The following TBC1D22B variants were observed in gnomAD, a reference collection of about 807,000 sequenced individuals.
TBC1D22B encodes TBC1 domain family member 22B, also known as chromosome 6 open reading frame 197.
A neutral mutation model predicts 69.1 loss-of-function variants in TBC1D22B; 32 were observed. The ratio of observed to expected loss-of-function variants is 0.46; its 90% CI spans 0.35 to 0.62. TBC1D22B has a LOEUF of 0.62. Ranked by LOEUF, TBC1D22B falls within the 20% of genes least tolerant of loss-of-function variation. The probability of loss-of-function intolerance (pLI) is 0.00; values close to 1 mark genes in which losing one functional copy is unlikely to be tolerated. For missense variants in TBC1D22B, 462 were observed against 630.9 expected (o/e 0.73, Z 2.87); for synonymous variants, 206 against 229.8 (o/e 0.90, Z 0.94).
chr6:37,317,251 A>G lies in TBC1D22B; in HGVS notation c.1389+45A>G, dbSNP rs146610746. 7.2e-6 allele frequency: 11 copies of G among 1,534,318 alleles called. No homozygotes were observed. In the African/African-American group the frequency reaches 1.1e-4, roughly 15 times the overall value. ...GTGTGGGCAGGGAATGAACATTAGA[A>G]TGGGAGTTAGCCCCTCAGTGGGCAG... On this transcript the variant is annotated intron_variant, in intron 12 of 12. Transcript: ENST00000373491.
At chr6:37,272,410 A>G (rs1354858694) in intron 2 of TBC1D22B, among the ~76,000 whole-genome samples, 7 of 144,998 alleles carry the variant, frequency 4.8e-5, no homozygotes, top group Admixed American at 2.8e-4. Context: ...TGCTCAGGCT[A>G]GAGTGCACTG....
chr6:37,279,259 G>C, intron 2 of TBC1D22B, 45 bp from the exon 3 acceptor site: 1 of 1,498,576 alleles, frequency 6.7e-7, no homozygotes, highest in South Asian at 1.3e-5. Flanking sequence ...TAGGTGGTCA[G>C]ATGTGTCAGG....
At chr6:37,259,857 C>T (rs1766018182) in intron 1 of TBC1D22B, among the ~76,000 whole-genome samples, 1 of 151,928 alleles carries the variant, frequency 6.6e-6, no homozygotes, top group African/African-American at 2.4e-5. Flanking sequence ...AGTGAAATAC[C>T]CTATTTGTAA....
At chr6:37,293,038 A>G (rs1045987079) in intron 8 of TBC1D22B, among the ~76,000 whole-genome samples, 2 of 151,792 alleles carry the variant, frequency 1.3e-5, no homozygotes, top group African/African-American at 4.8e-5. Flanking sequence ...CATTCTGATA[A>G]TTCTCACAGT....
intron 1 of TBC1D22B, among the ~76,000 whole-genome samples, chr6:37,264,007 A>G (rs1766190628): frequency 6.6e-6 from 1 of 150,876 alleles, no homozygotes; most frequent in Admixed American, 6.6e-5. Context: ...TGTCAATTAA[A>G]TGCTTTTTCA....
intron 1 of TBC1D22B, among the ~76,000 whole-genome samples, chr6:37,263,500 A>G (rs1766174697): frequency 6.6e-6 from 1 of 152,250 alleles, no homozygotes; most frequent in African/African-American, 2.4e-5. Flanking sequence ...CAATTTCAGA[A>G]TAATTGTTAT....
chr6:37,306,919 G>A (rs1367451326), intron 8 of TBC1D22B, among the ~76,000 whole-genome samples: 1 of 152,182 alleles, frequency 6.6e-6, no homozygotes, highest in Non-Finnish European at 1.5e-5. Flanking sequence ...CTCCCAGTGG[G>A]TCTCTTCTCT....
At chr6:37,287,526 A>G (rs965538638) in intron 7 of TBC1D22B, among the ~76,000 whole-genome samples, 1 of 152,060 alleles carries the variant, frequency 6.6e-6, no homozygotes, top group Non-Finnish European at 1.5e-5. Context: ...CCAAACTGGA[A>G]CTCTGTATCC....
chr6:37,299,866 G>A (rs896647331), intron 8 of TBC1D22B, among the ~76,000 whole-genome samples: 25 of 152,088 alleles, frequency 1.6e-4, no homozygotes, highest in African/African-American at 5.5e-4. Context: ...CAAATTAGCC[G>A]GGCATGGTGG....
At chr6:37,264,041 TA>T (rs1006848522) in intron 1 of TBC1D22B, among the ~76,000 whole-genome samples, 13 of 27,072 alleles carry the variant, frequency 4.8e-4, no homozygotes, top group South Asian at 2.6e-3. Flanking sequence ...AAATGTTTTG[TA>T]TTTTTTTTTT....
At chr6:37,326,775 G>A (rs939683104) in intron 12 of TBC1D22B, among the ~76,000 whole-genome samples, 4 of 149,672 alleles carry the variant, frequency 2.7e-5, no homozygotes, top group Non-Finnish European at 5.9e-5. Context: ...GTGACGGAGC[G>A]AGACTACGTC....
At chr6:37,324,901 A>G (rs1203516201) in intron 12 of TBC1D22B, among the ~76,000 whole-genome samples, 1 of 152,238 alleles carries the variant, frequency 6.6e-6, no homozygotes, top group Non-Finnish European at 1.5e-5. Flanking sequence ...GGAAGTTAAT[A>G]TGTATCTCAT....
At chr6:37,327,485 A>AG (rs1174811369) in intron 12 of TBC1D22B, among the ~76,000 whole-genome samples, 1 of 92,296 alleles carries the variant, frequency 1.1e-5, no homozygotes, top group East Asian at 2.5e-4. Context: ...CTCAAAAAAA[A>AG]AAAAAAAAAA....
chr6:37,286,676 G>T (rs1767016980), intron 6 of TBC1D22B, among the ~76,000 whole-genome samples: 1 of 151,246 alleles, frequency 6.6e-6, no homozygotes, highest in Non-Finnish European at 1.5e-5. Context: ...AGGCACGGTG[G>T]CTCACACCTG....
At chr6:37,297,834 A>G (rs60153228) in intron 8 of TBC1D22B, among the ~76,000 whole-genome samples, 3,994 of 152,314 alleles carry the variant, frequency 0.026, 168 homozygotes, top group African/African-American at 0.089. Flanking sequence ...AGAAAATGTG[A>G]CACATTTACA....
chr6:37,320,215 G>A (rs996562989), intron 12 of TBC1D22B, among the ~76,000 whole-genome samples: 2 of 152,202 alleles, frequency 1.3e-5, no homozygotes, highest in Admixed American at 6.5e-5. Context: ...CAAGGTTAGG[G>A]ACTGTGCAGA....
chr6:37,259,015 A>ATT lies in TBC1D22B; in HGVS notation c.56+1057_56+1058dup, dbSNP rs11379140. On this transcript the variant is annotated intron_variant, in intron 1 of 12. Transcript: ENST00000373491. ...CAGTAGTGGCTAGGTAAGAGCCTTA[A>ATT]TTTTTTTTTTTTTTTTAAATGAAAT... is the stretch of plus-strand genomic sequence containing the variant. Among the ~76,000 whole-genome samples, 776 of 137,928 alleles carry ATT rather than the reference A, an allele frequency of 5.6e-3. 4 individuals carry two copies. Among genetic ancestry groups the ATT allele is most frequent in the Middle Eastern group, 0.018 (5 of 276 alleles). The allele number at this position is 137,928 out of a possible 152,430, so 90.5% of individuals were successfully genotyped here.
intron 11 of TBC1D22B, 26 bp from the exon 12 acceptor site, chr6:37,317,085 C>T (rs1199268082): frequency 6.4e-6 from 10 of 1,553,138 alleles, no homozygotes; most frequent in Non-Finnish European, 8.7e-6. Flanking sequence ...GGCTGGGAGA[C>T]CTAACTCTAT....
Position 37,298,198 on chromosome 6 carries a change from A to T in TBC1D22B, c.982+6841A>T, listed in dbSNP as rs184883804. Among the ~76,000 whole-genome samples, 24 of 150,834 alleles carry T rather than the reference A, an allele frequency of 1.6e-4. No individual in the cohort carries two copies. The East Asian group carries it at 2.3e-3, about 15-fold the overall frequency. Reference sequence around the variant, plus strand: ...TATCCCAGAACTTAAAGTATAATTTAAAAAAAAAATCAAAACAATATAGAA... The same window carrying T: ...TATCCCAGAACTTAAAGTATAATTTTAAAAAAAAATCAAAACAATATAGAA... On this transcript the variant is annotated intron_variant, in intron 8 of 12. Transcript: ENST00000373491.
Sources: allele counts gnomAD v4.1 joint callset (sites outside exome capture counted in the v4.1 genomes callset), GRCh38; gene constraint gnomAD v4.1.1; transcripts MANE v1.5; gene names NCBI Gene and HGNC (gene_info 2026-07-23, HGNC 2026-07-21).